MYOC: variants seen among roughly 807,000 people sequenced by gnomAD.
MYOC encodes the protein myocilin, also known as juvenile-onset open-angle glaucoma 1.
Under a neutral mutation model 28.2 loss-of-function variants are expected in MYOC, and 29 were observed. The observed-to-expected ratio is 1.03, with a 90% CI of 0.77 to 1.40. The LOEUF is 1.40. MYOC is among the 40% of genes most tolerant of loss of function. The pLI is 0.00. For synonymous variants in MYOC, 240 were observed against 245.6 expected (o/e 0.98, Z 0.21); for missense variants, 569 against 620.6 (o/e 0.92, Z 0.88).
At position 171,652,186 on chromosome 1, in the gene MYOC, G is replaced by C. The variant is rs770435837; in HGVS notation, c.426C>G (p.Tyr142Ter). 5.6e-6 allele frequency: 9 copies of C among 1,614,154 alleles called. No homozygotes were observed. The highest frequency in any genetic ancestry group is 7.6e-6 in the Non-Finnish European group (9 of 1,180,020). ...CTGACTTGTCTCGGAGGAGGTTGCT[G>C]TAGGCAGTCTCCAACTCTCTGGTTT... ...ETQTRELETA[Y>*]SNLLRDKSVL... Residue 142 changes from tyrosine (Y) to a stop codon, truncating the protein, a stop_gained, in exon 1 of 3, where the codon TAC becomes TAG. Coordinates refer to ENST00000037502, the MANE Select transcript of MYOC (RefSeq NM_000261.2). LOFTEE classifies it high-confidence loss of function.
rs1652995157 is a variant in MYOC at position 171,638,818 on chromosome 1, G to C, written c.605-96C>G. Reference sequence around the variant, plus strand: ...GACATTTAAATAGGCTGCCGGCCAGGCGTGGTGGCTCATGCCTGTAATCCC... The same window carrying C: ...GACATTTAAATAGGCTGCCGGCCAGCCGTGGTGGCTCATGCCTGTAATCCC... On this transcript the variant is annotated intron_variant, in intron 1 of 2. Coordinates refer to ENST00000037502, the MANE Select transcript of MYOC (RefSeq NM_000261.2). 2.8e-6 allele frequency: 4 copies of C among 1,418,078 alleles called. No individual in the cohort carries two copies. The Admixed American group carries it at 6.8e-5, about 24-fold the overall frequency. The allele number at this position is 1,418,078 out of a possible 1,614,324, so 87.8% of individuals were successfully genotyped here.
chr1:171,648,659 T>TAATTATATATATAATAAATTTATATATA (rs1653262622), intron 1 of MYOC, among the ~76,000 whole-genome samples: 1 of 148,002 alleles, frequency 6.8e-6, no homozygotes, highest in African/African-American at 2.5e-5. Flanking sequence ...TTTATATATA[T>TAATTATATATATAATAAATTTATATATA]AATTATATAT....
In MYOC at chr1:171,636,049, G is replaced by T; in HGVS notation, c.1391C>A (p.Thr464Asn). 1.2e-6 allele frequency: 2 copies of T among 1,614,206 alleles called. No individual in the cohort carries two copies. Among genetic ancestry groups the T allele is most frequent in the Non-Finnish European group, 1.7e-6 (2 of 1,180,032 alleles). The change falls in exon 3 of 3, where the codon ACC becomes AAC. Residue 464 changes from threonine (T) to asparagine (N), a missense_variant. Physicochemically the swap from Thr to Asn is moderately conservative, Grantham distance 65 (BLOSUM62 0). Coordinates refer to ENST00000037502, the MANE Select transcript of MYOC (RefSeq NM_000261.2). ...DTGTGISKTLTIPFKNRYKYS... is the reference protein window; with the variant it reads ...DTGTGISKTLNIPFKNRYKYS... ...CTTATAGCGGTTCTTGAATGGGATG[G>T]TCAGGGTCTTGCTGATACCTGTGCC...
intron 2 of MYOC, 55 bp from the exon 3 acceptor site, chr1:171,636,764 CACAG>C: frequency 6.4e-7 from 1 of 1,569,414 alleles, no homozygotes; most frequent in South Asian, 1.1e-5. Context: ...TCTTTCCAAA[CACAG>C]ACAATGATCA....
intron 1 of MYOC, among the ~76,000 whole-genome samples, chr1:171,643,937 C>T (rs1448433362): frequency 7.3e-6 from 1 of 136,668 alleles, no homozygotes. Flanking sequence ...TGCCATTGGA[C>T]TCCAGCCTGG....
intron 1 of MYOC, among the ~76,000 whole-genome samples, chr1:171,650,488 A>G (rs1174452113): frequency 2.0e-5 from 3 of 152,198 alleles, no homozygotes; most frequent in African/African-American, 7.2e-5. Flanking sequence ...TACATCTTAT[A>G]GGTATTTCAT....
intron 2 of MYOC, among the ~76,000 whole-genome samples, 156 bp downstream of exon 2, chr1:171,638,441 G>A (rs1317508130): frequency 6.6e-6 from 1 of 152,206 alleles, no homozygotes; most frequent in Non-Finnish European, 1.5e-5. Context: ...GAGAGAGAGA[G>A]AGAGTTCTGT....
rs1178427149 is a variant in MYOC at position 171,651,917 on chromosome 1, G to C, written c.604+91C>G. 37 of 1,572,296 alleles carry C rather than the reference G, an allele frequency of 2.4e-5. No individual in the cohort carries two copies. The East Asian group carries it at 8.3e-4, about 35-fold the overall frequency. On this transcript the variant is annotated intron_variant, in intron 1 of 2. Coordinates refer to ENST00000037502, the MANE Select transcript of MYOC (RefSeq NM_000261.2). ...CTAGCTGTGCAGTCTCTAGGAGAAA[G>C]GGCAGGCAGGGAGGCCTGGAGCGCC... is the stretch of plus-strand genomic sequence containing the variant.
intron 1 of MYOC, among the ~76,000 whole-genome samples, chr1:171,643,235 T>C (rs1054624202): frequency 1.3e-5 from 2 of 152,188 alleles, no homozygotes; most frequent in Non-Finnish European, 2.9e-5. Flanking sequence ...CTTCTCCCCC[T>C]GTGCAGGCAA....
At chr1:171,646,180 C>T (rs904182546) in intron 1 of MYOC, among the ~76,000 whole-genome samples, 17 of 152,176 alleles carry the variant, frequency 1.1e-4, no homozygotes, top group African/African-American at 4.1e-4. Flanking sequence ...CGTAAAGGGG[C>T]CTGGACCTAA....
At chr1:171,650,077 T>G (rs2102950347) in intron 1 of MYOC, among the ~76,000 whole-genome samples, 1 of 152,032 alleles carries the variant, frequency 6.6e-6, no homozygotes, top group South Asian at 2.1e-4. Flanking sequence ...ATTTCAAAAG[T>G]GGAGTAGCTG....
chr1:171,637,986 G>C (rs1470409419), intron 2 of MYOC, among the ~76,000 whole-genome samples: 2 of 152,158 alleles, frequency 1.3e-5, no homozygotes, highest in African/African-American at 4.8e-5. Flanking sequence ...TCATATCTTA[G>C]AGAACCGTGT....
At chr1:171,643,014 A>G (rs1653114957) in intron 1 of MYOC, among the ~76,000 whole-genome samples, 1 of 152,162 alleles carries the variant, frequency 6.6e-6, no homozygotes, top group African/African-American at 2.4e-5. Flanking sequence ...TTTCTTGGAC[A>G]ATCTGAATGG....
intron 2 of MYOC, among the ~76,000 whole-genome samples, chr1:171,636,932 A>G (rs1264637003): frequency 6.6e-6 from 1 of 152,200 alleles, no homozygotes; most frequent in Non-Finnish European, 1.5e-5. Context: ...GGGGATACTA[A>G]TAGTGTTTTG....
intron 1 of MYOC, among the ~76,000 whole-genome samples, chr1:171,651,492 CA>C (rs1653351622): frequency 6.6e-6 from 1 of 152,106 alleles, no homozygotes. Context: ...ACTTTCAGAA[CA>C]ACATATTAAG....
intron 1 of MYOC, among the ~76,000 whole-genome samples, chr1:171,649,954 T>A (rs1172820244): frequency 6.6e-6 from 1 of 152,154 alleles, no homozygotes; most frequent in African/African-American, 2.4e-5. Flanking sequence ...GCTCATTAGG[T>A]CCCTTTCCAG....
In MYOC at chr1:171,638,598, G is replaced by A. The variant is rs1014944863; in HGVS notation, c.729C>T (p.Thr243=). ...AAGGGAAGAAACTTAACTTCATACC[G>A]GTGTCTCCCTCTCCACTCCTGAGAT... ...SGYLRSGEGD[T]GCGELVWVGE... is the part of the protein sequence containing the mutation. The change falls in exon 2 of 3, where the codon ACC becomes ACT. Residue 243 remains threonine (T), a splice_region_variant and synonymous_variant. Transcript: ENST00000037502. 6 of 1,614,000 alleles carry A rather than the reference G, an allele frequency of 3.7e-6. No individual in the cohort carries two copies. Among genetic ancestry groups the A allele is most frequent in the Middle Eastern group, 1.7e-4 (1 of 6,060 alleles).
At chr1:171,638,498 C>T in intron 2 of MYOC, 99 bp downstream of exon 2, 1 of 1,426,594 alleles carries the variant, frequency 7.0e-7, no homozygotes, top group Non-Finnish European at 9.8e-7. Context: ...TTAATTTCCC[C>T]CTTGGGTGGG....
Position 171,638,931 on chromosome 1 carries a change from TA to T in MYOC, c.605-210del, listed in dbSNP as rs111827292. ...CAACATGGTGAAACCCTGTCTTTGC[TA>T]AAAACACAAAAGAATTAGCTGGATG... On this transcript the variant is annotated intron_variant, in intron 1 of 2. Transcript: ENST00000037502. 4,812 of 461,310 alleles carry T rather than the reference TA, an allele frequency of 0.01. 209 individuals carry two copies. Among genetic ancestry groups the T allele is most frequent in the African/African-American group, 0.085 (4,255 of 49,892 alleles). The allele number at this position is 461,310 out of a possible 1,614,324, so 28.6% of individuals were successfully genotyped here. A position where few individuals can be genotyped will look rare whatever the true frequency, so the allele number is the denominator to read the frequency against.
Sources: allele counts gnomAD v4.1 joint callset (sites outside exome capture counted in the v4.1 genomes callset), GRCh38; gene constraint gnomAD v4.1.1; transcripts MANE v1.5; gene names NCBI Gene and HGNC (gene_info 2026-07-23, HGNC 2026-07-21).